The following LRRC1 variants were observed in gnomAD, a reference collection of about 807,000 sequenced individuals.
LRRC1 encodes the protein leucine rich repeat containing 1.
In LRRC1, 28 loss-of-function variants were observed where a neutral mutation model predicts 69.9. That is an observed-to-expected ratio of 0.40 (90% CI 0.30 to 0.55). The LOEUF (loss-of-function observed/expected upper bound fraction) is 0.55, where lower values mean the gene tolerates loss of function less well. LRRC1 is among the 20% of genes least tolerant of loss of function. The pLI is 0.47. For missense variants in LRRC1, 498 were observed against 609.0 expected (o/e 0.82, Z 1.92); for synonymous variants, 236 against 240.2 (o/e 0.98, Z 0.16).
intron 1 of LRRC1, among the ~76,000 whole-genome samples, chr6:53,817,853 A>G (rs530289358): frequency 2.6e-5 from 4 of 151,440 alleles, no homozygotes; most frequent in Non-Finnish European, 5.9e-5. Flanking sequence ...TGTAGGTACT[A>G]AAAAAAAATG....
chr6:53,880,625 C>T (rs187490138), intron 3 of LRRC1, among the ~76,000 whole-genome samples: 98 of 152,330 alleles, frequency 6.4e-4, no homozygotes, highest in African/African-American at 2.2e-3. Flanking sequence ...GAGCATCACA[C>T]GTTTTCCAGA....
intron 1 of LRRC1, among the ~76,000 whole-genome samples, chr6:53,835,940 A>G (rs1765601155): frequency 1.3e-5 from 2 of 152,142 alleles, no homozygotes; most frequent in Admixed American, 1.3e-4. Flanking sequence ...TCCCTTAAAT[A>G]TGGGCCGACT....
intron 1 of LRRC1, among the ~76,000 whole-genome samples, chr6:53,834,952 A>G (rs1372700492): frequency 3.9e-5 from 6 of 152,130 alleles, no homozygotes; most frequent in African/African-American, 1.4e-4. Context: ...ACAGAGCGAG[A>G]CTCCGTCTCA....
At position 53,881,023 on chromosome 6, in the gene LRRC1, T is replaced by G. The variant is rs143748135; in HGVS notation, c.357-1864T>G. On this transcript the variant is annotated intron_variant, in intron 3 of 13. Transcript: ENST00000370888. The stretch of plus-strand genomic sequence containing the variant: ...ACATTTGACTTTACTATTATTTCAG[T>G]GCTCTCTCAACTGGAACACACCTAG... Among the ~76,000 whole-genome samples the G allele has an allele frequency of 2.2e-3, 333 of 152,368 alleles. 3 individuals carry two copies. Among genetic ancestry groups the G allele is most frequent in the Admixed American group, 5.1e-3 (78 of 15,302 alleles).
intron 1 of LRRC1, among the ~76,000 whole-genome samples, chr6:53,805,079 C>T (rs1025806824): frequency 2.0e-5 from 3 of 151,744 alleles, no homozygotes; most frequent in Non-Finnish European, 2.9e-5. Context: ...AATTCTTTTC[C>T]GTAGGTCTGG....
chr6:53,888,023 T>C (rs1767547263), intron 4 of LRRC1, among the ~76,000 whole-genome samples: 1 of 152,238 alleles, frequency 6.6e-6, no homozygotes, highest in Admixed American at 6.5e-5. Flanking sequence ...AAGATTCCAC[T>C]GGTAAGGCCA....
Position 53,919,520 on chromosome 6 carries a change from C to T in LRRC1, c.1129C>T (p.Leu377=). The stretch of plus-strand genomic sequence containing the variant: ...CAGGTTGCTGCATCTACCTTTATCC[C>T]TGACTGCCTTGAAGTTGAAGGCTCT... The part of the protein sequence containing the change: ...GNRLLHLPLS[L]TALKLKALWL... The change falls in exon 12 of 14, where the codon CTG becomes TTG. Residue 377 remains leucine (L), a synonymous_variant. Coordinates refer to ENST00000370888, the MANE Select transcript of LRRC1 (RefSeq NM_018214.5). 6.3e-7 allele frequency: 1 copy of T among 1,599,342 alleles called. No individual in the cohort carries two copies. The highest frequency in any genetic ancestry group is 8.5e-7 in the Non-Finnish European group (1 of 1,175,000).
chr6:53,810,992 C>T (rs1764776837), intron 1 of LRRC1, among the ~76,000 whole-genome samples: 1 of 152,152 alleles, frequency 6.6e-6, no homozygotes, highest in Admixed American at 6.6e-5. Flanking sequence ...TGTTTTCTAT[C>T]AACTTATCAT....
At chr6:53,869,433 A>G (rs1766810211) in intron 2 of LRRC1, among the ~76,000 whole-genome samples, 1 of 152,130 alleles carries the variant, frequency 6.6e-6, no homozygotes, top group South Asian at 2.1e-4. Flanking sequence ...CCAGCAGAAC[A>G]TTTGGGAATC....
chr6:53,807,248 T>C (rs1038195513), intron 1 of LRRC1, among the ~76,000 whole-genome samples: 7 of 152,080 alleles, frequency 4.6e-5, no homozygotes, highest in African/African-American at 1.7e-4. Flanking sequence ...TAGGGATGGG[T>C]CTCTGCCGGA....
chr6:53,895,951 T>A (rs9349687), intron 4 of LRRC1, among the ~76,000 whole-genome samples: 13,289 of 152,304 alleles, frequency 0.087, 903 homozygotes, highest in East Asian at 0.24. Flanking sequence ...TGAAAGTTAC[T>A]TCCTTAGCGC....
intron 2 of LRRC1, among the ~76,000 whole-genome samples, chr6:53,845,612 C>G (rs1765918616): frequency 3.9e-5 from 6 of 152,140 alleles, no homozygotes; most frequent in Admixed American, 3.9e-4. Flanking sequence ...CCAGGGCTGG[C>G]CAGTCATGAT....
intron 1 of LRRC1, among the ~76,000 whole-genome samples, chr6:53,808,862 A>G (rs1423031196): frequency 6.6e-6 from 1 of 152,206 alleles, no homozygotes; most frequent in African/African-American, 2.4e-5. Flanking sequence ...AAAAACAAAT[A>G]AATGAAAAGA....
intron 2 of LRRC1, among the ~76,000 whole-genome samples, chr6:53,873,198 A>T (rs897642801): frequency 2.7e-5 from 4 of 149,102 alleles, no homozygotes; most frequent in Admixed American, 2.7e-4. Flanking sequence ...TAGGCATTTT[A>T]TTTTTTGTAG....
At chr6:53,885,751 T>C (rs776530293) in intron 4 of LRRC1, among the ~76,000 whole-genome samples, 2 of 152,144 alleles carry the variant, frequency 1.3e-5, no homozygotes, top group African/African-American at 4.8e-5. Context: ...AGCCTTTATA[T>C]AGAGTGAGCA....
rs1281859578 is a variant in LRRC1, at chr6:53,813,546, TTTTC to T, written c.159+18135_159+18138del. On this transcript the variant is annotated intron_variant, in intron 1 of 13. Transcript: ENST00000370888. ...CTGCCTGGCTCAGTGGTTTTTTTTT[TTTTC>T]TTTTTTTTTCTGGAAATCAGTTTTT... 8.1e-3 allele frequency among the ~76,000 whole-genome samples: 1,179 copies of T among 145,770 alleles called. 25 individuals carry two copies. The highest frequency in any genetic ancestry group is 0.03 in the African/African-American group (1,104 of 36,402).
At chr6:53,904,257 A>G (rs1768161696) in intron 9 of LRRC1, 122 bp from the exon 10 acceptor site, 2 of 597,330 alleles carry the variant, frequency 3.3e-6, no homozygotes, top group Non-Finnish European at 3.0e-6. Context: ...GATATTCAGC[A>G]AGAACTATTG....
Position 53,810,991 on chromosome 6 carries a change from T to C in LRRC1, c.159+15576T>C, listed in dbSNP as rs576495794. On this transcript the variant is annotated intron_variant, in intron 1 of 13. Transcript: ENST00000370888. Reference sequence around the variant, plus strand: ...TAGCTGTGTATCTGTTTGTTTTCTATCAACTTATCATCAGGGACTTACTTA... The same window carrying C: ...TAGCTGTGTATCTGTTTGTTTTCTACCAACTTATCATCAGGGACTTACTTA... 2.0e-5 allele frequency among the ~76,000 whole-genome samples: 3 copies of C among 152,332 alleles called. No homozygotes were observed. The South Asian group carries it at 6.2e-4, about 32-fold the overall frequency.
intron 10 of LRRC1, among the ~76,000 whole-genome samples, chr6:53,910,787 G>A (rs1270020978): frequency 6.6e-6 from 1 of 152,234 alleles, no homozygotes; most frequent in African/African-American, 2.4e-5. Context: ...GCCCAGGTCT[G>A]TATGGTCTCA....
Sources: gnomAD v4.1 joint callset for allele counts (sites outside exome capture counted in the v4.1 genomes callset) on GRCh38, gnomAD v4.1.1 for gene constraint, MANE v1.5 for transcripts, NCBI Gene and HGNC (gene_info 2026-07-23, HGNC 2026-07-21) for gene names.